Variants in AP3S1 observed in about 807,000 individuals in gnomAD.
AP3S1 encodes the protein AP-3 complex subunit sigma-1.
A neutral mutation model predicts 21.3 loss-of-function variants in AP3S1; 12 were observed. The observed-to-expected ratio is 0.56, with a 90% CI of 0.36 to 0.91. The LOEUF (loss-of-function observed/expected upper bound fraction) is 0.91. AP3S1 is among the 40% of genes least tolerant of loss of function. The pLI is 0.01. For missense variants in AP3S1, 116 were observed against 225.0 expected, an observed-to-expected ratio of 0.52 and a Z score of 3.10; for synonymous variants, 48 against 78.4, an observed-to-expected ratio of 0.61 and a Z score of 2.05.
At chr5:115,894,183 C>T (rs1750552924) in intron 3 of AP3S1, among the ~76,000 whole-genome samples, 1 of 152,210 alleles carries the variant, frequency 6.6e-6, no homozygotes, top group Non-Finnish European at 1.5e-5. Context: ...GTGTTCCTTT[C>T]TACTGGAGTT....
chr5:115,899,842 A>G (rs1751060525), intron 4 of AP3S1, among the ~76,000 whole-genome samples: 1 of 152,158 alleles, frequency 6.6e-6, no homozygotes, highest in African/African-American at 2.4e-5. Flanking sequence ...ATCTTATCCA[A>G]TTGAGAGAAA....
intron 4 of AP3S1, among the ~76,000 whole-genome samples, chr5:115,902,333 T>A (rs1420176552): frequency 6.6e-6 from 1 of 152,160 alleles, no homozygotes; most frequent in Non-Finnish European, 1.5e-5. Flanking sequence ...TTAGAAGAAA[T>A]CTGAATATTA....
intron 5 of AP3S1, chr5:115,912,154 A>G (rs1039356431): frequency 6.6e-6 from 1 of 151,922 alleles, no homozygotes; most frequent in African/African-American, 2.4e-5. Flanking sequence ...CTTTATTATT[A>G]TTTTTATTTT....
intron 3 of AP3S1, among the ~76,000 whole-genome samples, chr5:115,888,333 A>G (rs1263869535): frequency 6.6e-6 from 1 of 151,862 alleles, no homozygotes; most frequent in Admixed American, 6.6e-5. Context: ...CGAGACTCTA[A>G]TTTTTCCCCC....
intron 5 of AP3S1, chr5:115,903,654 A>T (rs924691814): frequency 1.3e-5 from 2 of 152,264 alleles, no homozygotes; most frequent in Admixed American, 1.3e-4. Context: ...GTTAGATTCA[A>T]CCTTAGATGG....
At chr5:115,871,255 G>T (rs1328361572) in intron 3 of AP3S1, among the ~76,000 whole-genome samples, 1 of 152,200 alleles carries the variant, frequency 6.6e-6, no homozygotes, top group Non-Finnish European at 1.5e-5. Context: ...GGAAACACAA[G>T]ATCCATCTAA....
chr5:115,906,126 C>G (rs1251103754), intron 5 of AP3S1, among the ~76,000 whole-genome samples: 1 of 152,178 alleles, frequency 6.6e-6, no homozygotes, highest in East Asian at 1.9e-4. Flanking sequence ...CCACTGCACT[C>G]CAGCCTGCGT....
chr5:115,893,024 C>T (rs1254864613), intron 3 of AP3S1, among the ~76,000 whole-genome samples: 4 of 152,178 alleles, frequency 2.6e-5, no homozygotes, highest in Admixed American at 2.0e-4. Context: ...TTTGTTGTCA[C>T]CTCCTTGTGG....
chr5:115,911,265 T>G (rs1752083672), intron 5 of AP3S1, among the ~76,000 whole-genome samples: 1 of 151,984 alleles, frequency 6.6e-6, no homozygotes, highest in African/African-American at 2.4e-5. Context: ...TCATGTACAT[T>G]TAATACTGAA....
At chr5:115,906,823 C>A in intron 5 of AP3S1, 4 of 1,512,836 alleles carry the variant, frequency 2.6e-6, no homozygotes, top group Non-Finnish European at 3.5e-6. Context: ...TCTTACAGAC[C>A]TTTATCTTTC....
At chr5:115,871,130 A>G (rs909046757) in intron 3 of AP3S1, among the ~76,000 whole-genome samples, 6 of 152,170 alleles carry the variant, frequency 3.9e-5, no homozygotes, top group African/African-American at 1.4e-4. Context: ...AAGGAAACCT[A>G]TCCTTTGCTG....
intron 5 of AP3S1, among the ~76,000 whole-genome samples, chr5:115,904,962 T>C (rs949223488): frequency 6.6e-5 from 10 of 152,166 alleles, no homozygotes; most frequent in African/African-American, 2.4e-4. Context: ...ATTTTCACCT[T>C]TCTAGGTAGT....
At chr5:115,890,113 A>T (rs1750158866) in intron 3 of AP3S1, among the ~76,000 whole-genome samples, 1 of 152,092 alleles carries the variant, frequency 6.6e-6, no homozygotes, top group Non-Finnish European at 1.5e-5. Flanking sequence ...AGCTTAACCT[A>T]CACGACTCTT....
intron 4 of AP3S1, among the ~76,000 whole-genome samples, chr5:115,898,960 A>G (rs1750987896): frequency 6.6e-6 from 1 of 152,234 alleles, no homozygotes; most frequent in Non-Finnish European, 1.5e-5. Context: ...CCATATTGGA[A>G]GAAAGCATCA....
chr5:115,859,700 A>G (rs1191608573), intron 1 of AP3S1, among the ~76,000 whole-genome samples: 1 of 152,172 alleles, frequency 6.6e-6, no homozygotes, highest in African/African-American at 2.4e-5. Context: ...AGGGAACTAG[A>G]TTTTAGTGAA....
intron 4 of AP3S1, among the ~76,000 whole-genome samples, chr5:115,901,661 C>T (rs1751225631): frequency 6.6e-6 from 1 of 151,596 alleles, no homozygotes; most frequent in African/African-American, 2.4e-5. Flanking sequence ...CTCAGGCAGT[C>T]CTCCTGGGTC....
intron 1 of AP3S1, among the ~76,000 whole-genome samples, chr5:115,861,976 A>G (rs1177162254): frequency 1.4e-5 from 2 of 146,804 alleles, no homozygotes; most frequent in African/African-American, 5.1e-5. Flanking sequence ...CTGAGATTAT[A>G]GGTGTGAGCC....
chr5:115,903,990 A>C (rs1357390228), intron 5 of AP3S1: 1 of 152,078 alleles, frequency 6.6e-6, no homozygotes, highest in African/African-American at 2.4e-5. Flanking sequence ...GCTGAGGCAC[A>C]AGAATCACTT....
At chr5:115,884,015 C>G (rs953746025) in intron 3 of AP3S1, among the ~76,000 whole-genome samples, 2 of 152,048 alleles carry the variant, frequency 1.3e-5, no homozygotes, top group Admixed American at 1.3e-4. Context: ...AATTAAATTT[C>G]CTATAGTACA....
Sources: allele counts gnomAD v4.1 joint callset (sites outside exome capture counted in the v4.1 genomes callset), GRCh38; gene constraint gnomAD v4.1.1; transcripts MANE v1.5; gene names NCBI Gene and HGNC (gene_info 2026-07-23, HGNC 2026-07-21).